PKNOX2: variants seen among roughly 807,000 people sequenced by gnomAD.
PKNOX2 encodes homeobox protein PKNOX2.
A neutral mutation model predicts 53.1 loss-of-function variants in PKNOX2; 14 were observed. The ratio of observed to expected loss-of-function variants is 0.26; its 90% CI spans 0.17 to 0.41. PKNOX2 has a LOEUF of 0.41. Ranked by LOEUF, PKNOX2 falls within the 10% of genes least tolerant of loss-of-function variation. The pLI is 1.00. For synonymous variants in PKNOX2, 257 were observed against 242.8 expected (o/e 1.06, Z -0.54); for missense variants, 496 against 602.8 (o/e 0.82, Z 1.85).
intron 2 of PKNOX2, among the ~76,000 whole-genome samples, chr11:125,250,690 C>T (rs192107974): frequency 1.1e-4 from 17 of 152,200 alleles, no homozygotes; most frequent in African/African-American, 3.4e-4. Flanking sequence ...AATTTCAGAA[C>T]GACAGAGGTG....
At chr11:125,356,225 G>C (rs1951607603) in intron 4 of PKNOX2, among the ~76,000 whole-genome samples, 1 of 152,184 alleles carries the variant, frequency 6.6e-6, no homozygotes, top group Non-Finnish European at 1.5e-5. Flanking sequence ...AGAAATCCTG[G>C]TAGATCCTAG....
chr11:125,194,167 G>A (rs1014608072), intron 1 of PKNOX2, among the ~76,000 whole-genome samples: 18 of 152,318 alleles, frequency 1.2e-4, no homozygotes, highest in Middle Eastern at 3.4e-3. Flanking sequence ...GTGGAGAGCG[G>A]TTGCGTAGCA....
intron 2 of PKNOX2, among the ~76,000 whole-genome samples, chr11:125,296,928 TCAGCG>T (rs1947698747): frequency 6.6e-6 from 1 of 152,164 alleles, no homozygotes; most frequent in South Asian, 2.1e-4. Flanking sequence ...GCCATGGCGC[TCAGCG>T]GTTTATTATC....
intron 10 of PKNOX2, among the ~76,000 whole-genome samples, chr11:125,415,742 G>T (rs1955836289): frequency 6.6e-6 from 1 of 152,152 alleles, no homozygotes; most frequent in Non-Finnish European, 1.5e-5. Context: ...AGCGGAAAGG[G>T]TATGAAGTAA....
intron 1 of PKNOX2, among the ~76,000 whole-genome samples, chr11:125,184,971 C>A (rs760986989): frequency 6.6e-6 from 1 of 152,172 alleles, no homozygotes; most frequent in Non-Finnish European, 1.5e-5. Flanking sequence ...GAGGACAGGC[C>A]AAGGACAAGT....
intron 2 of PKNOX2, among the ~76,000 whole-genome samples, chr11:125,285,182 T>A (rs113382514): frequency 2.6e-5 from 4 of 151,302 alleles, no homozygotes; most frequent in African/African-American, 9.7e-5. Context: ...GCTAGGGGGG[T>A]GATTTGTCCA....
In PKNOX2 at chr11:125,333,734, C is replaced by A. The variant is rs139103685; in HGVS notation, c.-23+1809C>A. Among the ~76,000 whole-genome samples, 134 of 152,276 alleles carry A rather than the reference C, an allele frequency of 8.8e-4. 1 individual carries two copies. The highest frequency in any genetic ancestry group is 3.0e-3 in the African/African-American group (126 of 41,552). On this transcript the variant is annotated intron_variant, in intron 3 of 12. Transcript: ENST00000298282. ...GGCAATCAGAGAAGCTGCCAGCTGTCTCACTTAAATTCTTAGCTCTCTCGC... is the reference window on the plus strand; with the variant it reads ...GGCAATCAGAGAAGCTGCCAGCTGTATCACTTAAATTCTTAGCTCTCTCGC...
intron 2 of PKNOX2, among the ~76,000 whole-genome samples, chr11:125,299,154 C>A (rs1947861561): frequency 6.6e-6 from 1 of 152,108 alleles, no homozygotes; most frequent in Admixed American, 6.5e-5. Flanking sequence ...GTGCCACACA[C>A]TTTTACACAA....
At chr11:125,416,351 G>A (rs961940529) in intron 10 of PKNOX2, among the ~76,000 whole-genome samples, 8 of 147,146 alleles carry the variant, frequency 5.4e-5, no homozygotes, top group Admixed American at 2.0e-4. Flanking sequence ...CAACTTTGAC[G>A]TTTGGGAACT....
intron 2 of PKNOX2, among the ~76,000 whole-genome samples, chr11:125,243,275 T>C (rs1943296371): frequency 6.6e-6 from 1 of 152,186 alleles, no homozygotes; most frequent in African/African-American, 2.4e-5. Context: ...CAGCCAACAG[T>C]GGGAGCTTTC....
At position 125,328,332 on chromosome 11, in the gene PKNOX2, G is replaced by A. The variant is rs183974499; in HGVS notation, c.-129-3487G>A. ...ACACCTAGAAGACAGGGAGAGAGCG[G>A]GGGAGAGAGAGAGAAAGAGAGAGAG... On this transcript the variant is annotated intron_variant, in intron 2 of 12. Transcript: ENST00000298282. Among the ~76,000 whole-genome samples, 614 of 151,956 alleles carry A rather than the reference G, an allele frequency of 4.0e-3. 5 individuals carry two copies. The highest frequency in any genetic ancestry group is 0.013 in the African/African-American group (556 of 41,348).
chr11:125,374,643 G>A (rs1394443158), intron 5 of PKNOX2, among the ~76,000 whole-genome samples: 2 of 152,202 alleles, frequency 1.3e-5, no homozygotes, highest in Non-Finnish European at 1.5e-5. Flanking sequence ...GCTCAGGAGT[G>A]GTTGGTCGTG....
chr11:125,315,173 C>T (rs1484387756), intron 2 of PKNOX2, among the ~76,000 whole-genome samples: 1 of 152,114 alleles, frequency 6.6e-6, no homozygotes, highest in Non-Finnish European at 1.5e-5. Context: ...CCCCTCTCCC[C>T]ACCTCCTTCC....
intron 4 of PKNOX2, among the ~76,000 whole-genome samples, chr11:125,359,527 C>T (rs1951809383): frequency 6.6e-6 from 1 of 152,182 alleles, no homozygotes; most frequent in South Asian, 2.1e-4. Flanking sequence ...TCTGGAGCGC[C>T]CTGGACTCTG....
rs1954858117 is a variant in PKNOX2, at chr11:125,166,119, G to T, written c.-201+1343G>T. Among the ~76,000 whole-genome samples, 1 of 152,158 alleles carries T rather than the reference G, an allele frequency of 6.6e-6. No individual in the cohort carries two copies. Among genetic ancestry groups the T allele is most frequent in the Non-Finnish European group, 1.5e-5 (1 of 68,038 alleles). On this transcript the variant is annotated intron_variant, in intron 1 of 12. Coordinates refer to ENST00000298282, the MANE Select transcript of PKNOX2 (RefSeq NM_001382323.2). The surrounding 1 kb of genome is among the most constrained non-coding windows in gnomAD (Gnocchi z 4.0). ...CTGTTTACGGAATCGGGATCGAGGGGCCGATAAGTAGTTTACACGCCGGCC... is the reference window on the plus strand; with the variant it reads ...CTGTTTACGGAATCGGGATCGAGGGTCCGATAAGTAGTTTACACGCCGGCC...
intron 10 of PKNOX2, among the ~76,000 whole-genome samples, chr11:125,414,048 C>T (rs1955729513): frequency 6.6e-6 from 1 of 152,182 alleles, no homozygotes; most frequent in Non-Finnish European, 1.5e-5. Context: ...CATGCCTGGC[C>T]TCTCACCTGG....
At chr11:125,303,069 GT>G (rs1036487547) in intron 2 of PKNOX2, among the ~76,000 whole-genome samples, 7 of 152,072 alleles carry the variant, frequency 4.6e-5, no homozygotes, top group African/African-American at 1.7e-4. Context: ...TCTTCTTGCT[GT>G]TCCCATGCTG....
At chr11:125,239,176 C>T (rs1216831675) in intron 2 of PKNOX2, among the ~76,000 whole-genome samples, 1 of 152,214 alleles carries the variant, frequency 6.6e-6, no homozygotes, top group African/African-American at 2.4e-5. Flanking sequence ...ACTGTACTCT[C>T]CATAAAAGTT....
At chr11:125,398,246 C>T (rs1218391359) in intron 7 of PKNOX2, among the ~76,000 whole-genome samples, 184 bp downstream of exon 7, 2 of 152,218 alleles carry the variant, frequency 1.3e-5, no homozygotes, top group Non-Finnish European at 2.9e-5. Context: ...CCCTTTTTTA[C>T]ACACAGTCTG....
Sources: allele counts gnomAD v4.1 joint callset (sites outside exome capture counted in the v4.1 genomes callset), GRCh38; gene constraint gnomAD v4.1.1; non-coding constraint Gnocchi (gnomAD v3.1); transcripts MANE v1.5; gene names NCBI Gene and HGNC (gene_info 2026-07-23, HGNC 2026-07-21).